CERS6: variants seen among roughly 807,000 people sequenced by gnomAD.
The protein encoded by CERS6 is ceramide synthase 6.
In CERS6, 26 loss-of-function variants were observed where a neutral mutation model predicts 56.8. The ratio of observed to expected loss-of-function variants is 0.46; its 90% CI spans 0.34 to 0.63. The LOEUF (loss-of-function observed/expected upper bound fraction) is 0.63, where lower values mean the gene tolerates loss of function less well. CERS6 is among the 30% of genes least tolerant of loss of function. CERS6 has a pLI of 0.01. For synonymous variants in CERS6, 164 were observed against 173.3 expected (o/e 0.95, Z 0.42); for missense variants, 415 against 467.5 (o/e 0.89, Z 1.04).
chr2:168,513,593 C>T (rs919289119), intron 1 of CERS6, among the ~76,000 whole-genome samples: 3 of 152,128 alleles, frequency 2.0e-5, no homozygotes, highest in African/African-American at 7.2e-5. Context: ...GGTGACATGC[C>T]ATTCTCACTC....
chr2:168,534,440 C>T (rs1164989484), intron 1 of CERS6, among the ~76,000 whole-genome samples: 6 of 144,822 alleles, frequency 4.1e-5, no homozygotes, highest in Non-Finnish European at 9.0e-5. Context: ...ATGCTGTTGT[C>T]GTTGCTTTCT....
At chr2:168,535,616 G>A (rs149432759) in intron 1 of CERS6, among the ~76,000 whole-genome samples, 106 of 149,774 alleles carry the variant, frequency 7.1e-4, no homozygotes, top group Non-Finnish European at 1.1e-3. Flanking sequence ...GCCTCAGATC[G>A]CCACTGTTTA....
intron 3 of CERS6, among the ~76,000 whole-genome samples, chr2:168,613,050 C>G (rs80252267): frequency 0.017 from 2,594 of 152,072 alleles, 102 homozygotes; most frequent in East Asian, 0.16. Flanking sequence ...GTAAATGAAA[C>G]GGATATTTCC....
At chr2:168,530,756 T>G (rs1266836234) in intron 1 of CERS6, among the ~76,000 whole-genome samples, 2 of 152,216 alleles carry the variant, frequency 1.3e-5, no homozygotes, top group Non-Finnish European at 1.5e-5. Flanking sequence ...CCTTGGACTT[T>G]CCAAGGATCC....
At chr2:168,498,190 A>T (rs1178259903) in intron 1 of CERS6, among the ~76,000 whole-genome samples, 1 of 152,164 alleles carries the variant, frequency 6.6e-6, no homozygotes, top group African/African-American at 2.4e-5. Context: ...TTCTAAGGTT[A>T]TTGATAACCT....
chr2:168,505,570 G>A lies in CERS6; in HGVS notation c.171-42026G>A, dbSNP rs139715755. Among the ~76,000 whole-genome samples the A allele has an allele frequency of 6.7e-3, 1,020 of 152,140 alleles. 10 individuals are homozygous for A. The highest frequency in any genetic ancestry group is 0.02 in the Middle Eastern group (6 of 294). On this transcript the variant is annotated intron_variant, in intron 1 of 9. Coordinates refer to ENST00000305747, the MANE Select transcript of CERS6 (RefSeq NM_203463.3). ...CATAGGTTGATGAGTGACCCTGACC[G>A]TTTATATGGTTTGGTTACTCCTGGA...
At chr2:168,701,468 CAGA>C (rs1243817961) in intron 6 of CERS6, among the ~76,000 whole-genome samples, 1 of 152,124 alleles carries the variant, frequency 6.6e-6, no homozygotes, top group Non-Finnish European at 1.5e-5. Flanking sequence ...ACTGAGAATG[CAGA>C]AGTAATCATG....
intron 4 of CERS6, among the ~76,000 whole-genome samples, chr2:168,663,679 T>C (rs1685687784): frequency 6.6e-6 from 1 of 152,234 alleles, no homozygotes; most frequent in Non-Finnish European, 1.5e-5. Flanking sequence ...ACTTATTATA[T>C]GGTATTTGAA....
At chr2:168,664,924 C>T (rs752118112) in intron 4 of CERS6, among the ~76,000 whole-genome samples, 1 of 152,170 alleles carries the variant, frequency 6.6e-6, no homozygotes, top group African/African-American at 2.4e-5. Flanking sequence ...GGTTCACACG[C>T]CTCTGACAGG....
intron 5 of CERS6, among the ~76,000 whole-genome samples, chr2:168,693,073 C>A (rs1410802752): frequency 6.6e-6 from 1 of 151,972 alleles, no homozygotes; most frequent in African/African-American, 2.4e-5. Context: ...TGTGTATATT[C>A]TAAGTTTAAA....
At chr2:168,571,382 C>T (rs2105388745) in intron 3 of CERS6, among the ~76,000 whole-genome samples, 2 of 152,152 alleles carry the variant, frequency 1.3e-5, no homozygotes, top group African/African-American at 2.4e-5. Context: ...TGAAACTTGG[C>T]GCATTGCACA....
intron 8 of CERS6, among the ~76,000 whole-genome samples, chr2:168,752,614 C>T (rs1355601110): frequency 3.3e-5 from 5 of 152,136 alleles, no homozygotes; most frequent in African/African-American, 1.2e-4. Context: ...AGGAGCGTGG[C>T]ACGTAGCTGG....
At chr2:168,493,957 C>A (rs1462087299) in intron 1 of CERS6, among the ~76,000 whole-genome samples, 1 of 152,030 alleles carries the variant, frequency 6.6e-6, no homozygotes, top group Non-Finnish European at 1.5e-5. Flanking sequence ...GGTGTCAAGA[C>A]TGCACAGACT....
At chr2:168,601,263 A>G (rs1265444481) in intron 3 of CERS6, among the ~76,000 whole-genome samples, 2 of 152,214 alleles carry the variant, frequency 1.3e-5, no homozygotes, top group African/African-American at 4.8e-5. Context: ...TCACGGCCTA[A>G]TCTGGGAAAC....
At chr2:168,539,784 A>G (rs1695333578) in intron 1 of CERS6, among the ~76,000 whole-genome samples, 2 of 152,196 alleles carry the variant, frequency 1.3e-5, no homozygotes, top group Admixed American at 1.3e-4. Flanking sequence ...GCGTTGACTC[A>G]GTTACCTCTC....
chr2:168,655,769 A>G (rs1685454487), intron 4 of CERS6, among the ~76,000 whole-genome samples: 1 of 152,380 alleles, frequency 6.6e-6, no homozygotes, highest in African/African-American at 2.4e-5. Flanking sequence ...GCAGATATGT[A>G]GAATGAACCA....
chr2:168,747,435 A>G (rs912962214), intron 8 of CERS6, among the ~76,000 whole-genome samples: 1 of 152,200 alleles, frequency 6.6e-6, no homozygotes, highest in Non-Finnish European at 1.5e-5. Flanking sequence ...TAAAACCATT[A>G]GAAATAGTAT....
intron 1 of CERS6, among the ~76,000 whole-genome samples, chr2:168,464,122 A>C (rs1394697673): frequency 6.7e-6 from 1 of 149,282 alleles, no homozygotes; most frequent in Non-Finnish European, 1.5e-5. Context: ...TTACTTCTTA[A>C]TGTGGAGTGG....
intron 8 of CERS6, among the ~76,000 whole-genome samples, chr2:168,757,508 A>G (rs1684450171): frequency 6.6e-6 from 1 of 152,222 alleles, no homozygotes. Context: ...AAGAATACAG[A>G]TAGAACTATA....
Sources: gnomAD v4.1 joint callset for allele counts (sites outside exome capture counted in the v4.1 genomes callset) on GRCh38, gnomAD v4.1.1 for gene constraint, MANE v1.5 for transcripts, NCBI Gene and HGNC (gene_info 2026-07-23, HGNC 2026-07-21) for gene names.